SSPN: variants seen among roughly 807,000 people sequenced by gnomAD.
SSPN encodes K-ras oncogene-associated protein.
A neutral mutation model predicts 19.1 loss-of-function variants in SSPN; 15 were observed. That is an observed-to-expected ratio of 0.78 (90% CI 0.52 to 1.21). The LOEUF is 1.21. SSPN is among the 50% of genes most tolerant of loss of function. The pLI is 0.00. For synonymous variants in SSPN, 147 were observed against 140.3 expected, an observed-to-expected ratio of 1.05 and a Z score of -0.34; for missense variants, 291 against 314.0, an observed-to-expected ratio of 0.93 and a Z score of 0.55.
intron 1 of SSPN, among the ~76,000 whole-genome samples, chr12:26,220,247 CAAAAAAAAAA>C (rs58022147): frequency 2.6e-5 from 3 of 114,482 alleles, no homozygotes; most frequent in African/African-American, 3.7e-5. Flanking sequence ...AAGCTGTAGG[CAAAAAAAAAA>C]AAAAAAAAAA....
chr12:26,195,508 C>T, upstream of SSPN: 1 of 1,187,374 alleles, frequency 8.4e-7, no homozygotes, highest in Non-Finnish European at 1.1e-6. Context: ...CTGCTGCGGG[C>T]TCCCCGTGGC....
chr12:26,133,406 C>T (rs1944407177), intron 1 of SSPN, among the ~76,000 whole-genome samples: 1 of 152,132 alleles, frequency 6.6e-6, no homozygotes, highest in South Asian at 2.1e-4. Flanking sequence ...CACTCCAGAC[C>T]AGGCCCCCAT....
upstream of SSPN, among the ~76,000 whole-genome samples, chr12:26,194,457 C>T (rs1944808360): frequency 6.6e-6 from 1 of 152,214 alleles, no homozygotes; most frequent in Non-Finnish European, 1.5e-5. Context: ...ATGATCACGG[C>T]TCACTACAAC....
intron 1 of SSPN, among the ~76,000 whole-genome samples, chr12:26,166,182 G>C (rs1174549534): frequency 6.6e-6 from 1 of 152,136 alleles, no homozygotes; most frequent in African/African-American, 2.4e-5. Context: ...GATGACGGTT[G>C]ATGAGTGTAG....
intron 1 of SSPN, among the ~76,000 whole-genome samples, chr12:26,199,100 C>T (rs1944855887): frequency 6.6e-6 from 1 of 152,214 alleles, no homozygotes; most frequent in African/African-American, 2.4e-5. Context: ...ATCCCATTAA[C>T]TTGGAATTTG....
chr12:26,185,738 G>T (rs1944749785), intron 1 of SSPN, among the ~76,000 whole-genome samples: 1 of 152,196 alleles, frequency 6.6e-6, no homozygotes, highest in South Asian at 2.1e-4. Context: ...GTCTGTGAGT[G>T]ATCAGTTCCC....
intron 1 of SSPN, among the ~76,000 whole-genome samples, chr12:26,210,097 C>T (rs992176897): frequency 2.0e-5 from 3 of 151,870 alleles, no homozygotes; most frequent in African/African-American, 7.2e-5. Flanking sequence ...GTATAATGAA[C>T]CTCTATATTC....
intron 1 of SSPN, among the ~76,000 whole-genome samples, chr12:26,177,577 C>T (rs927847411): frequency 2.6e-5 from 4 of 152,186 alleles, no homozygotes; most frequent in Admixed American, 1.3e-4. Context: ...ATTTTTGCCT[C>T]CTCTTGTTGT....
At position 26,196,344 on chromosome 12, in the gene SSPN, T is replaced by C. The variant is rs1009527976; in HGVS notation, c.279+393T>C. ...CCTTAAACAAGTGGCAAAAAGTGAA[T>C]TAAGTTCATCTAGTGAAAGCAGGAG... On this transcript the variant is annotated intron_variant, in intron 1 of 2. Transcript: ENST00000242729. Among the ~76,000 whole-genome samples, 10 of 152,232 alleles carry C rather than the reference T, an allele frequency of 6.6e-5. No individual in the cohort carries two copies. In the East Asian group the frequency reaches 1.7e-3, roughly 26 times the overall value.
intron 1 of SSPN, among the ~76,000 whole-genome samples, chr12:26,219,910 G>A (rs1945100838): frequency 6.6e-6 from 1 of 151,998 alleles, no homozygotes; most frequent in South Asian, 2.1e-4. Flanking sequence ...CCCTTTTCCT[G>A]TGCCATGGGC....
At chr12:26,166,894 A>G (rs1407804321) in intron 1 of SSPN, among the ~76,000 whole-genome samples, 1 of 152,240 alleles carries the variant, frequency 6.6e-6, no homozygotes, top group Non-Finnish European at 1.5e-5. Context: ...CAATATGGCG[A>G]AAGAGTGTAA....
At chr12:26,162,076 T>C (rs1411686149) in intron 1 of SSPN, among the ~76,000 whole-genome samples, 2 of 152,200 alleles carry the variant, frequency 1.3e-5, no homozygotes, top group Non-Finnish European at 2.9e-5. Flanking sequence ...AAATGAATGT[T>C]TTTGGTGCAT....
In SSPN at chr12:26,232,251, T is replaced by C. The variant is rs1441020943; in HGVS notation, c.*1175T>C. 1.0e-6 allele frequency: 1 copy of C among 985,306 alleles called. No homozygotes were observed. Among genetic ancestry groups the C allele is most frequent in the African/African-American group, 1.7e-5 (1 of 57,238 alleles). 61.0% of individuals were successfully genotyped at this position (985,306 alleles called of 1,614,324 possible). ...TAGTCAACCTAGGAAATCAAAATAA[T>C]GTTTTGAAGTTCTTATTTGAGCAAT... On this transcript the variant is annotated 3_prime_UTR_variant, in exon 3 of 3. Transcript: ENST00000242729.
chr12:26,158,781 T>A (rs1476243796), intron 1 of SSPN, among the ~76,000 whole-genome samples: 1 of 152,222 alleles, frequency 6.6e-6, no homozygotes, highest in Non-Finnish European at 1.5e-5. Context: ...ACACAGTGGT[T>A]CCTTTAAAGC....
At chr12:26,170,344 C>T (rs927813968) in intron 1 of SSPN, among the ~76,000 whole-genome samples, 1 of 152,124 alleles carries the variant, frequency 6.6e-6, no homozygotes, top group African/African-American at 2.4e-5. Context: ...TAGAATAAAG[C>T]GGAACTAAGA....
At chr12:26,222,511 A>G (rs1246562172) in intron 1 of SSPN, among the ~76,000 whole-genome samples, 10 of 152,228 alleles carry the variant, frequency 6.6e-5, no homozygotes. Context: ...TGGGGTAGGA[A>G]CTATGAATAT....
intron 1 of SSPN, among the ~76,000 whole-genome samples, chr12:26,173,920 C>A (rs1944667700): frequency 2.0e-5 from 3 of 152,056 alleles, no homozygotes; most frequent in Admixed American, 2.0e-4. Flanking sequence ...CATAAAACTA[C>A]TAGACAAGGA....
At chr12:26,201,526 C>T (rs746863154) in intron 1 of SSPN, among the ~76,000 whole-genome samples, 3 of 151,842 alleles carry the variant, frequency 2.0e-5, no homozygotes, top group Admixed American at 2.0e-4. Context: ...CCTCTACTTA[C>T]AGCCTTCTAC....
rs976117631 is a variant in SSPN, at chr12:26,142,827, G to A, written c.-31+20675G>A. On this transcript the variant is annotated intron_variant, in intron 1 of 2. Transcript: ENST00000538142. ...AAGGAATAGTCAGAGAAGAAGGAAA[G>A]AATAAAGAATGTGCTGTCATCTACA... is the stretch of plus-strand genomic sequence containing the variant. 3.3e-5 allele frequency among the ~76,000 whole-genome samples: 5 copies of A among 152,284 alleles called. No homozygotes were observed. In the East Asian group the frequency reaches 9.6e-4, roughly 29 times the overall value.
Sources: gnomAD v4.1 joint callset for allele counts (sites outside exome capture counted in the v4.1 genomes callset) on GRCh38, gnomAD v4.1.1 for gene constraint, MANE v1.5 for transcripts, NCBI Gene and HGNC (gene_info 2026-07-23, HGNC 2026-07-21) for gene names.